The following ZNF385B variants were observed in gnomAD, a reference collection of about 807,000 sequenced individuals.
ZNF385B encodes zinc finger protein 533.
ZNF385B carries 23 observed loss-of-function variants against 39.2 expected under a neutral mutation model. The observed-to-expected ratio is 0.59, with a 90% CI of 0.42 to 0.83. The LOEUF (loss-of-function observed/expected upper bound fraction) is 0.83, where lower values mean the gene tolerates loss of function less well. ZNF385B is among the 40% of genes least tolerant of loss of function. The pLI, the probability that ZNF385B is intolerant of heterozygous loss-of-function variation, is 0.00. For missense variants in ZNF385B, 552 were observed against 598.9 expected (o/e 0.92, Z 0.82); for synonymous variants, 205 against 222.6 (o/e 0.92, Z 0.70).
At chr2:179,745,378 C>T (rs1042619385) in intron 3 of ZNF385B, among the ~76,000 whole-genome samples, 5 of 152,114 alleles carry the variant, frequency 3.3e-5, no homozygotes, top group African/African-American at 7.2e-5. Context: ...AATAACACTG[C>T]TAATTACCTA....
chr2:179,615,559 C>G (rs1439200641), intron 3 of ZNF385B, among the ~76,000 whole-genome samples: 1 of 152,206 alleles, frequency 6.6e-6, no homozygotes, highest in East Asian at 1.9e-4. Flanking sequence ...TGGGAAAAAT[C>G]AAGGTGCTCT....
At chr2:179,745,605 T>G in intron 3 of ZNF385B, 1 of 970,194 alleles carries the variant, frequency 1.0e-6, no homozygotes, top group South Asian at 2.7e-5. Context: ...GTCAGCACAA[T>G]GTGATAAACA....
intron 1 of ZNF385B, among the ~76,000 whole-genome samples, chr2:179,827,745 A>G (rs1470904171): frequency 6.6e-6 from 1 of 152,202 alleles, no homozygotes; most frequent in East Asian, 1.9e-4. Flanking sequence ...AAAACATAAC[A>G]TACATGCATA....
At chr2:179,677,839 T>C (rs181278904) in intron 3 of ZNF385B, among the ~76,000 whole-genome samples, 1 of 152,300 alleles carries the variant, frequency 6.6e-6, no homozygotes, top group East Asian at 1.9e-4. Flanking sequence ...ATTTGAGATT[T>C]TTTTTACAGA....
chr2:179,762,027 A>G (rs553074847), intron 3 of ZNF385B, among the ~76,000 whole-genome samples: 39 of 152,120 alleles, frequency 2.6e-4, no homozygotes, highest in African/African-American at 9.4e-4. Context: ...GTATGATGTT[A>G]CCTGTAGGCT....
intron 3 of ZNF385B, among the ~76,000 whole-genome samples, chr2:179,690,906 T>C (rs1459847209): frequency 6.6e-6 from 1 of 152,116 alleles, no homozygotes; most frequent in Non-Finnish European, 1.5e-5. Flanking sequence ...TTATCAAAGG[T>C]GCTTGAATCT....
intron 3 of ZNF385B, among the ~76,000 whole-genome samples, chr2:179,590,085 C>T (rs1385467286): frequency 1.3e-5 from 2 of 152,184 alleles, no homozygotes; most frequent in African/African-American, 4.8e-5. Context: ...GAGAAGTCAC[C>T]TAACTTCTCT....
rs568412061 is a variant in ZNF385B, at chr2:179,581,623, T to C, written c.299-36654A>G. Among the ~76,000 whole-genome samples, 5 of 152,334 alleles carry C rather than the reference T, an allele frequency of 3.3e-5. No homozygotes were observed. In the South Asian group the frequency reaches 1.0e-3, roughly 32 times the overall value. On this transcript the variant is annotated intron_variant, in intron 3 of 9. Coordinates refer to ENST00000410066, the MANE Select transcript of ZNF385B (RefSeq NM_152520.6). The stretch of plus-strand genomic sequence containing the variant: ...TGTAAGGCACTACTCTAGGTACTTA[T>C]GGTAGGCACTGCTAGTTGTCTTTCC...
At chr2:179,689,783 A>ATGTGTGTGTGTGTGTGTGTG (rs112957152) in intron 3 of ZNF385B, among the ~76,000 whole-genome samples, 1 of 130,014 alleles carries the variant, frequency 7.7e-6, no homozygotes, top group Non-Finnish European at 1.6e-5. Flanking sequence ...GGGCAGGGGC[A>ATGTGTGTGTGTGTGTGTGTG]TGTGTGTGTG....
chr2:179,539,724 T>C (rs969334033), intron 4 of ZNF385B, among the ~76,000 whole-genome samples: 32 of 152,230 alleles, frequency 2.1e-4, no homozygotes, highest in African/African-American at 7.2e-4. Flanking sequence ...AATTGGCAAA[T>C]CTAAAGAAAA....
At chr2:179,512,549 T>A (rs1490322584) in intron 5 of ZNF385B, among the ~76,000 whole-genome samples, 1 of 152,204 alleles carries the variant, frequency 6.6e-6, no homozygotes, top group East Asian at 1.9e-4. Context: ...ACTTTGGAAA[T>A]GGCATTTTCC....
intron 1 of ZNF385B, among the ~76,000 whole-genome samples, chr2:179,829,614 G>T (rs539721451): frequency 6.6e-6 from 1 of 151,932 alleles, no homozygotes; most frequent in South Asian, 2.1e-4. Context: ...CCTGGGTTCA[G>T]GCCACTCTCC....
chr2:179,743,913 C>T (rs1265162710), intron 3 of ZNF385B, among the ~76,000 whole-genome samples: 1 of 152,052 alleles, frequency 6.6e-6, no homozygotes, highest in African/African-American at 2.4e-5. Flanking sequence ...ATTTAACTCG[C>T]CGTACTCATA....
intron 1 of ZNF385B, among the ~76,000 whole-genome samples, chr2:179,843,518 C>T (rs1041895357): frequency 1.3e-5 from 2 of 152,234 alleles, no homozygotes; most frequent in African/African-American, 2.4e-5. Context: ...TATCCATATA[C>T]TTGTGACATA....
Position 179,703,028 on chromosome 2 carries a change from C to T in ZNF385B, c.298+66475G>A, listed in dbSNP as rs529284770. 3.9e-5 allele frequency among the ~76,000 whole-genome samples: 6 copies of T among 152,334 alleles called. No homozygotes were observed. In the East Asian group the frequency reaches 1.2e-3, roughly 29 times the overall value. ...CAACAGCCTAACTGTTCACCTTCAG[C>T]CTCTTTTCAACACAGTAGCCAGGAA... On this transcript the variant is annotated intron_variant, in intron 3 of 9. Transcript: ENST00000410066.
intron 5 of ZNF385B, among the ~76,000 whole-genome samples, chr2:179,493,522 T>C (rs1392691502): frequency 7.4e-6 from 1 of 135,540 alleles, no homozygotes; most frequent in Non-Finnish European, 1.6e-5. Flanking sequence ...TATACATATG[T>C]GTGTACATAT....
intron 3 of ZNF385B, among the ~76,000 whole-genome samples, chr2:179,743,041 T>C (rs1246113169): frequency 6.6e-6 from 1 of 152,086 alleles, no homozygotes; most frequent in East Asian, 1.9e-4. Context: ...CTATGTTCTA[T>C]GTAATACGAC....
chr2:179,659,380 C>T (rs544659056), intron 3 of ZNF385B, among the ~76,000 whole-genome samples: 1 of 152,202 alleles, frequency 6.6e-6, no homozygotes, highest in African/African-American at 2.4e-5. Flanking sequence ...ATCAATGAAG[C>T]ATTTTTAAAA....
intron 6 of ZNF385B, among the ~76,000 whole-genome samples, chr2:179,465,279 C>T (rs377397227): frequency 1.3e-5 from 2 of 152,152 alleles, no homozygotes; most frequent in African/African-American, 2.4e-5. Flanking sequence ...AGATCATACT[C>T]TAGTCTTTTT....
Sources: allele counts gnomAD v4.1 joint callset (sites outside exome capture counted in the v4.1 genomes callset), GRCh38; gene constraint gnomAD v4.1.1; transcripts MANE v1.5; gene names NCBI Gene and HGNC (gene_info 2026-07-23, HGNC 2026-07-21).